The following LYVE1 variants were observed in gnomAD, a reference collection of about 807,000 sequenced individuals.
LYVE1 encodes lymphatic vessel endothelial hyaluronan receptor 1.
In LYVE1, 29 loss-of-function variants were observed where a neutral mutation model predicts 31.5. The ratio of observed to expected loss-of-function variants is 0.92; its 90% confidence interval spans 0.69 to 1.26. The LOEUF is 1.26. Among genes scored for constraint, LYVE1 ranks in the 50% most tolerant of loss-of-function variants. The pLI is 0.00. For synonymous variants in LYVE1, 134 were observed against 139.4 expected, an observed-to-expected ratio of 0.96 and a Z score of 0.27; for missense variants, 376 against 380.2, an observed-to-expected ratio of 0.99 and a Z score of 0.09.
Position 10,567,240 on chromosome 11 carries a change from T to C in LYVE1, c.85+1208A>G, listed in dbSNP as rs529219902. ...AAATATAGTTCCCACCCCTATTCAC[T>C]TACCTTCATCAACTACTTTATTCTG... is the stretch of plus-strand genomic sequence containing the variant. On this transcript the variant is annotated intron_variant, in intron 1 of 5. Transcript: ENST00000256178. 3.9e-5 allele frequency among the ~76,000 whole-genome samples: 6 copies of C among 152,334 alleles called. No homozygotes were observed. In the South Asian group the frequency reaches 1.2e-3, roughly 32 times the overall value.
Position 10,568,462 on chromosome 11 carries a change from GA to G in LYVE1, c.70del (p.Ser24LeufsTer21). ...GAGAAACCTACCTTCTGCACGCAAAGAGCCTTGGACCAGGAGCCTCGTGGTC... is the reference window on the plus strand; with the variant it reads ...GAGAAACCTACCTTCTGCACGCAAAGGCCTTGGACCAGGAGCCTCGTGGTC... ...IWTTRLLVQGSLRAEELSIQV... is the reference protein window; with the variant it reads ...IWTTRLLVQGXLRAEELSIQV... On this transcript the variant is annotated frameshift_variant, in exon 1 of 6. Transcript: ENST00000256178. LOFTEE classifies it high-confidence loss of function. 6.2e-7 allele frequency: 1 copy of G among 1,613,960 alleles called. No homozygotes were observed. Among genetic ancestry groups the G allele is most frequent in the Non-Finnish European group, 8.5e-7 (1 of 1,179,876 alleles).
intron 3 of LYVE1, among the ~76,000 whole-genome samples, chr11:10,562,677 TAGG>T (rs1387987651): frequency 5.3e-5 from 8 of 152,184 alleles, no homozygotes; most frequent in Admixed American, 2.0e-4. Flanking sequence ...AGAAAAACTT[TAGG>T]AGAAGTACTT....
rs546518774 is a variant in LYVE1 at position 10,557,653 on chromosome 11, A to T, written c.*1458T>A. Reference sequence around the variant, plus strand: ...AATGGAGGGCCAGCATCTCTAGTAAAGGACTGTTTAATGTGTATGTACTTG... The same window carrying T: ...AATGGAGGGCCAGCATCTCTAGTAATGGACTGTTTAATGTGTATGTACTTG... On this transcript the variant is annotated 3_prime_UTR_variant, in exon 6 of 6. Transcript: ENST00000256178. 44 of 152,370 alleles carry T rather than the reference A, an allele frequency of 2.9e-4. No individual in the cohort carries two copies. The highest frequency in any genetic ancestry group is 1.0e-3 in the African/African-American group (43 of 41,594). 9.4% of individuals were successfully genotyped at this position (152,370 alleles called of 1,614,324 possible). A position where few individuals can be genotyped will look rare whatever the true frequency, so the allele number is the denominator to read the frequency against.
intron 4 of LYVE1, among the ~76,000 whole-genome samples, 175 bp from the exon 5 acceptor site, chr11:10,560,069 G>A (rs756575387): frequency 2.0e-5 from 3 of 152,056 alleles, no homozygotes; most frequent in Non-Finnish European, 4.4e-5. Flanking sequence ...TAGAATCATT[G>A]GCCTTGCTTC....
At position 10,557,682 on chromosome 11, in the gene LYVE1, A is replaced by G. The variant is rs1850341501; in HGVS notation, c.*1429T>C. ...CTGTTTAATGTGTATGTACTTGGCC[A>G]ACTCAAAATAAAATGTTTGGAGCAT... On this transcript the variant is annotated 3_prime_UTR_variant, in exon 6 of 6. Transcript: ENST00000256178. The G allele has an allele frequency of 6.6e-6, 1 of 152,232 alleles. No individual in the cohort carries two copies. The highest frequency in any genetic ancestry group is 1.5e-5 in the Non-Finnish European group (1 of 68,036). 9.4% of individuals were successfully genotyped at this position (152,232 alleles called of 1,614,324 possible).
intron 5 of LYVE1, 119 bp from the exon 6 acceptor site, chr11:10,559,416 C>T (rs1850371989): frequency 1.5e-6 from 1 of 683,326 alleles, no homozygotes; most frequent in Non-Finnish European, 2.5e-6. Flanking sequence ...AGAGTGATGC[C>T]AGCACATGCA....
chr11:10,568,136 C>T (rs76591704), intron 1 of LYVE1, among the ~76,000 whole-genome samples: 13,892 of 152,174 alleles, frequency 0.091, 798 homozygotes, highest in Admixed American at 0.14. Context: ...CCCATTGCTA[C>T]AAAAAATTTA....
At position 10,568,501 on chromosome 11, in the gene LYVE1, A is replaced by G; in HGVS notation, c.32T>C (p.Leu11Pro). The change falls in exon 1 of 6, where the codon CTC becomes CCC. Residue 11 changes from leucine to proline, a missense_variant. Transcript: ENST00000256178. Reference protein sequence around the residue: MARCFSLVLLLTSIWTTRLLV... With the variant: MARCFSLVLLPTSIWTTRLLV... ...GAGCCTCGTGGTCCAGATGGAAGTG[A>G]GAAGCAACACCAGGCTGAAGCACCT... 2 of 1,614,070 alleles carry G rather than the reference A, an allele frequency of 1.2e-6. No homozygotes were observed. Among genetic ancestry groups the G allele is most frequent in the South Asian group, 2.2e-5 (2 of 91,080 alleles).
chr11:10,559,968 G>T, intron 4 of LYVE1, 74 bp from the exon 5 acceptor site: 1 of 1,102,894 alleles, frequency 9.1e-7, no homozygotes, highest in South Asian at 1.3e-5. Context: ...CATGATCCAG[G>T]TGATTGAGAC....
intron 3 of LYVE1, 125 bp downstream of exon 3, chr11:10,563,815 G>A (rs17403956): frequency 0.041 from 50,059 of 1,223,760 alleles, 1,468 homozygotes; most frequent in South Asian, 0.11. Flanking sequence ...AGACAGTGTC[G>A]GGAGAATTAG....
Position 10,568,437 on chromosome 11 carries a change from G to A in LYVE1, c.85+11C>T, listed in dbSNP as rs750236299. Reference sequence around the variant, plus strand: ...CCTTGCTTCAGTTTGGAAATCTGGTGAGAAACCTACCTTCTGCACGCAAAG... The same window carrying A: ...CCTTGCTTCAGTTTGGAAATCTGGTAAGAAACCTACCTTCTGCACGCAAAG... On this transcript the variant is annotated intron_variant, in intron 1 of 5. Coordinates refer to ENST00000256178, the MANE Select transcript of LYVE1 (RefSeq NM_006691.4). 6.2e-7 allele frequency: 1 copy of A among 1,613,568 alleles called. No homozygotes were observed. Among genetic ancestry groups the A allele is most frequent in the Non-Finnish European group, 8.5e-7 (1 of 1,179,648 alleles).
At chr11:10,559,615 A>G (rs1407854771) in intron 5 of LYVE1, among the ~76,000 whole-genome samples, 2 of 152,200 alleles carry the variant, frequency 1.3e-5, no homozygotes, top group African/African-American at 4.8e-5. Context: ...AAGGACAGTC[A>G]TTGACTGATG....
At position 10,568,637 on chromosome 11, in the gene LYVE1, T is replaced by C. The variant is rs1452371190; in HGVS notation, c.-105A>G. 2 of 1,431,798 alleles carry C rather than the reference T, an allele frequency of 1.4e-6. No homozygotes were observed. The highest frequency in any genetic ancestry group is 1.8e-6 in the Non-Finnish European group (2 of 1,083,770). The allele number at this position is 1,431,798 out of a possible 1,614,324, so 88.7% of individuals were successfully genotyped here. ...CGGATGGAGAGTTCTGGAACTATGT[T>C]GAGGCTCACACTCACTGCTCCACTT... On this transcript the variant is annotated 5_prime_UTR_variant, in exon 1 of 6. Transcript: ENST00000256178.
At chr11:10,561,541 GT>G (rs1208133524) in intron 3 of LYVE1, among the ~76,000 whole-genome samples, 1 of 151,996 alleles carries the variant, frequency 6.6e-6, no homozygotes, top group African/African-American at 2.4e-5. Flanking sequence ...AGGGATAAGG[GT>G]TTGCTTTCCA....
At chr11:10,564,102 T>A in intron 2 of LYVE1, 23 bp from the exon 3 acceptor site, 1 of 1,614,140 alleles carries the variant, frequency 6.2e-7, no homozygotes, top group Middle Eastern at 1.6e-4. Context: ...ACACACTAGT[T>A]GAACAGAAAA....
In LYVE1 at chr11:10,567,385, A is replaced by T. The variant is rs948137856; in HGVS notation, c.85+1063T>A. ...AGTCATTTTCAAAAAACAGTGTCCA[A>T]TAGTTTGAATAATGGCAGCATTGTG... On this transcript the variant is annotated intron_variant, in intron 1 of 5. Coordinates refer to ENST00000256178, the MANE Select transcript of LYVE1 (RefSeq NM_006691.4). 3.9e-5 allele frequency among the ~76,000 whole-genome samples: 6 copies of T among 152,232 alleles called. No homozygotes were observed. In the South Asian group the frequency reaches 1.2e-3, roughly 32 times the overall value.
intron 1 of LYVE1, among the ~76,000 whole-genome samples, chr11:10,565,145 C>G (rs1421623225): frequency 6.6e-6 from 1 of 152,166 alleles, no homozygotes; most frequent in Non-Finnish European, 1.5e-5. Context: ...TGAGTAAATT[C>G]TAATACAAAT....
At chr11:10,568,200 T>C (rs576331858) in intron 1 of LYVE1, among the ~76,000 whole-genome samples, 1 of 152,368 alleles carries the variant, frequency 6.6e-6, no homozygotes, top group East Asian at 1.9e-4. Flanking sequence ...TTCAGTGTTT[T>C]ATTTCAAAAT....
intron 1 of LYVE1, among the ~76,000 whole-genome samples, chr11:10,564,809 C>T (rs1850503604): frequency 6.6e-6 from 1 of 152,104 alleles, no homozygotes; most frequent in Non-Finnish European, 1.5e-5. Context: ...TTTGGGGACA[C>T]TACTATTTGT....
Sources: gnomAD v4.1 joint callset for allele counts (sites outside exome capture counted in the v4.1 genomes callset) on GRCh38, gnomAD v4.1.1 for gene constraint, MANE v1.5 for transcripts, NCBI Gene and HGNC (gene_info 2026-07-23, HGNC 2026-07-21) for gene names.